KIAA1210: variants seen among roughly 807,000 people sequenced by gnomAD.
KIAA1210 encodes acrosomal protein KIAA1210.
Under a neutral mutation model 78.9 loss-of-function variants are expected in KIAA1210, and 48 were observed. The observed-to-expected ratio is 0.61, with a 90% CI of 0.48 to 0.77. The LOEUF (loss-of-function observed/expected upper bound fraction) is 0.77, where lower values mean the gene tolerates loss of function less well. KIAA1210 is among the 30% of genes least tolerant of loss of function. The pLI, the probability that KIAA1210 is intolerant of heterozygous loss-of-function variation, is 0.00. For missense variants in KIAA1210, 1,108 were observed against 1,100.0 expected (o/e 1.01, Z -0.10); for synonymous variants, 406 against 404.5 (o/e 1.00, Z -0.04).
rs1159514113 is a variant in KIAA1210 at position 119,080,878 on chromosome X, G to T, written c.*451C>A. The T allele has an allele frequency of 8.9e-6, 1 of 112,651 alleles. No homozygotes were observed. Among genetic ancestry groups the T allele is most frequent in the Non-Finnish European group, 1.9e-5 (1 of 53,540 alleles). 9.3% of individuals were successfully genotyped at this position (112,651 alleles called of 1,213,427 possible). ...TCTTATTTTGCTTAATAAATTCTTA[G>T]TTTGCTTAATACTTATTTTGCTTAA... On this transcript the variant is annotated 3_prime_UTR_variant, in exon 12 of 12. Coordinates refer to ENST00000691062, the MANE Select transcript of KIAA1210 (RefSeq NM_001394962.1).
intron 7 of KIAA1210, 147 bp from the exon 8 acceptor site, chrX:119,093,922 G>A: frequency 1.1e-6 from 1 of 906,659 alleles, no homozygotes; most frequent in Admixed American, 2.3e-5. Flanking sequence ...TTTCAATGGA[G>A]ATATTTCCAG....
Position 119,139,798 on chromosome X carries a change from G to A in KIAA1210, c.410+7675C>T, listed in dbSNP as rs148199941. On this transcript the variant is annotated intron_variant, in intron 2 of 13. Coordinates refer to the KIAA1210 transcript ENST00000402510. ...AAGCAATTTGAATGATATCTAGAGAGAATCGTGACCACAGATGAAGGTATT... is the reference window on the plus strand; with the variant it reads ...AAGCAATTTGAATGATATCTAGAGAAAATCGTGACCACAGATGAAGGTATT... Among the ~76,000 whole-genome samples, 823 of 112,089 alleles carry A rather than the reference G, an allele frequency of 7.3e-3. 10 individuals carry two copies. The highest frequency in any genetic ancestry group is 0.025 in the African/African-American group (786 of 30,878).
chrX:119,109,118 T>A lies in KIAA1210; in HGVS notation c.315A>T (p.Lys105Asn). 1 of 1,209,582 alleles carries A rather than the reference T, an allele frequency of 8.3e-7. No homozygotes were observed. Among genetic ancestry groups the A allele is most frequent in the Non-Finnish European group, 1.1e-6 (1 of 894,012 alleles). The change falls in exon 4 of 12, where the codon AAA (lysine) becomes AAT (asparagine). Residue 105 changes from lysine to asparagine, a missense_variant. Coordinates refer to ENST00000691062, the MANE Select transcript of KIAA1210 (RefSeq NM_001394962.1). ...LGPEPERSAS[K>N]MFPSMDPQRG... ...TCTGGGGATCCATAGAAGGAAACAT[T>A]TTACTTGCTGATCTTTCAGGCTCAG...
At position 119,087,586 on chromosome X, in the gene KIAA1210, C is replaced by G. The variant is rs765519140; in HGVS notation, c.3116G>C (p.Ser1039Thr). The G allele has an allele frequency of 5.0e-6, 6 of 1,209,548 alleles. No homozygotes were observed. The highest frequency in any genetic ancestry group is 6.7e-6 in the Non-Finnish European group (6 of 894,855). ...ATTGGGAGGCAGAGGTGCCACATCA[C>G]TGCCCCTCTTAAGAGCAGAGCTCTC... is the stretch of plus-strand genomic sequence containing the variant. Reference protein sequence around the residue: ...FSESSALKRGSDVAPLPPNLP... With the variant: ...FSESSALKRGTDVAPLPPNLP... The change falls in exon 9 of 12, where the codon AGT (serine) becomes ACT (threonine). Residue 1039 changes from serine (S) to threonine (T), a missense_variant. Physicochemically the swap from Ser to Thr is moderately conservative, Grantham distance 58. Around this residue, in one of 5 missense-constraint regions of KIAA1210, gnomAD observed 179 missense variants for 174.1 expected, o/e 1.03. Transcript: ENST00000691062.
intron 2 of KIAA1210, among the ~76,000 whole-genome samples, chrX:119,144,221 T>C (rs1249899012): frequency 8.9e-6 from 1 of 112,557 alleles, no homozygotes; most frequent in African/African-American, 3.2e-5. Context: ...TGGGCTGTCC[T>C]GCCATACACT....
chrX:119,148,494 C>T (rs1293206704), intron 1 of KIAA1210, among the ~76,000 whole-genome samples: 1 of 112,160 alleles, frequency 8.9e-6, no homozygotes. Flanking sequence ...TCCTTCTATA[C>T]TTGTGCAATA....
chrX:119,086,464 A>G, intron 9 of KIAA1210, 82 bp downstream of exon 9: 1 of 912,371 alleles, frequency 1.1e-6, no homozygotes, highest in East Asian at 3.1e-5. Context: ...ACTAGAATAG[A>G]CTTTAATGCC....
At chrX:119,108,313 C>G in intron 5 of KIAA1210, 24 bp downstream of exon 5, 1 of 1,193,660 alleles carries the variant, frequency 8.4e-7, no homozygotes, top group Non-Finnish European at 1.1e-6. Context: ...GCTGCCCATG[C>G]GCTGAACAAT....
intron 3 of KIAA1210, among the ~76,000 whole-genome samples, chrX:119,113,566 G>T (rs1261775973): frequency 9.0e-6 from 1 of 111,656 alleles, no homozygotes; most frequent in Non-Finnish European, 1.9e-5. Flanking sequence ...GACTGCTACT[G>T]GGCGCAGGGT....
upstream of KIAA1210, among the ~76,000 whole-genome samples, chrX:119,128,911 G>A (rs904498156): frequency 3.5e-4 from 39 of 111,947 alleles, no homozygotes; most frequent in African/African-American, 1.2e-3. Flanking sequence ...CCGACCTCAG[G>A]TGATCTGCCC....
In KIAA1210 at chrX:119,135,038, T is replaced by A. The variant is rs190078138; in HGVS notation, c.411-11386A>T. Among the ~76,000 whole-genome samples the A allele has an allele frequency of 2.7e-5, 3 of 112,640 alleles. No individual in the cohort carries two copies. The East Asian group carries it at 8.4e-4, about 31-fold the overall frequency. On this transcript the variant is annotated intron_variant, in intron 2 of 13. Transcript: ENST00000402510. ...CTATGTAGTAGGCATTGTTATTTTG[T>A]TTTTATTCTTTTCACACCCACTTCC...
rs1287445535 is a variant in KIAA1210 at position 119,081,379 on chromosome X, C to A, written c.4552G>T (p.Ala1518Ser). The A allele has an allele frequency of 9.1e-6, 11 of 1,208,213 alleles. No individual in the cohort carries two copies. The highest frequency in any genetic ancestry group is 1.2e-5 in the Non-Finnish European group (11 of 893,749). Residue 1518 changes from alanine to serine, a missense_variant, in exon 12 of 12, where the codon GCC (alanine) becomes TCC (serine). Ala to Ser is a moderately conservative substitution (Grantham distance 99). This residue lies in a region of KIAA1210 where 245 missense variants were observed against 278.8 expected (regional missense o/e 0.88). Coordinates refer to ENST00000691062, the MANE Select transcript of KIAA1210 (RefSeq NM_001394962.1). The part of the protein sequence containing the change: ...EPIEPVWFSL[A>S]RKKAKAWSHM... The stretch of plus-strand genomic sequence containing the variant: ...CTCCATGCTTTGGCTTTCTTCCTGG[C>A]CAGTGAGAACCAGACAGGCTCAATT...
At chrX:119,150,200 A>ACAT in intron 1 of KIAA1210, 3 of 946,870 alleles carry the variant, frequency 3.2e-6, no homozygotes, top group Non-Finnish European at 4.3e-6. Flanking sequence ...TGTTATATAA[A>ACAT]CATCACCCTT....
chrX:119,103,842 A>T (rs765031656), intron 6 of KIAA1210, among the ~76,000 whole-genome samples: 33 of 112,375 alleles, frequency 2.9e-4, no homozygotes, highest in Non-Finnish European at 1.9e-5. Flanking sequence ...GAAAGAAGCC[A>T]GCACAAAAGC....
intron 6 of KIAA1210, among the ~76,000 whole-genome samples, chrX:119,098,250 G>T (rs770529756): frequency 8.9e-6 from 1 of 111,838 alleles, no homozygotes; most frequent in South Asian, 3.8e-4. Flanking sequence ...TGCTAGGCAT[G>T]CTCTTCCCCC....
At chrX:119,096,289 C>T (rs1288666537) in intron 7 of KIAA1210, among the ~76,000 whole-genome samples, 1 of 112,426 alleles carries the variant, frequency 8.9e-6, no homozygotes, top group Non-Finnish European at 1.9e-5. Context: ...ATAAGTTCCA[C>T]ATGGATAGGA....
At chrX:119,113,270 T>C (rs969616664) in intron 3 of KIAA1210, among the ~76,000 whole-genome samples, 1 of 111,536 alleles carries the variant, frequency 9.0e-6, no homozygotes, top group African/African-American at 3.3e-5. Flanking sequence ...ATGATGATGA[T>C]TGTACAACTC....
chrX:119,109,306 A>T, intron 3 of KIAA1210, 104 bp from the exon 4 acceptor site: 1 of 785,249 alleles, frequency 1.3e-6, no homozygotes, highest in South Asian at 2.8e-5. Flanking sequence ...TCAGAAGGAG[A>T]GCAGGGATGC....
chrX:119,097,641 T>A (rs1314732646), intron 6 of KIAA1210, among the ~76,000 whole-genome samples: 2 of 112,375 alleles, frequency 1.8e-5, no homozygotes, highest in Non-Finnish European at 3.8e-5. Flanking sequence ...TACTTGCAGC[T>A]TTCACATGCC....
Sources: gnomAD v4.1 joint callset for allele counts (sites outside exome capture counted in the v4.1 genomes callset) on GRCh38, gnomAD v4.1.1 for gene constraint, gnomAD v4.1.1 regional missense constraint, MANE v1.5 for transcripts, NCBI Gene and HGNC (gene_info 2026-07-23, HGNC 2026-07-21) for gene names.